SHISA6: variants seen among roughly 807,000 people sequenced by gnomAD.
SHISA6 encodes shisa family member 6, also known as protein shisa-6.
A neutral mutation model predicts 47.9 loss-of-function variants in SHISA6; 22 were observed. That is an observed-to-expected ratio of 0.46 (90% CI 0.33 to 0.66). The LOEUF (loss-of-function observed/expected upper bound fraction) is 0.66. SHISA6 is among the 30% of genes least tolerant of loss of function. The probability of loss-of-function intolerance (pLI) is 0.02; values close to 1 mark genes in which losing one functional copy is unlikely to be tolerated. For synonymous variants in SHISA6, 388 were observed against 337.8 expected, an observed-to-expected ratio of 1.15 and a Z score of -1.63; for missense variants, 680 against 764.6, an observed-to-expected ratio of 0.89 and a Z score of 1.30.
intron 3 of SHISA6, among the ~76,000 whole-genome samples, chr17:11,449,862 A>C (rs1483610398): frequency 6.6e-6 from 1 of 152,136 alleles, no homozygotes; most frequent in Non-Finnish European, 1.5e-5. Context: ...CTGTCTTCAC[A>C]TGGTGTTTTC....
intron 3 of SHISA6, among the ~76,000 whole-genome samples, chr17:11,530,267 CCA>C (rs530530442): frequency 4.0e-5 from 6 of 151,368 alleles, no homozygotes; most frequent in Non-Finnish European, 7.4e-5. Flanking sequence ...GGTTAAAAAA[CCA>C]CACACACACA....
intron 3 of SHISA6, among the ~76,000 whole-genome samples, chr17:11,467,723 G>C (rs1233511924): frequency 6.6e-6 from 1 of 152,170 alleles, no homozygotes; most frequent in Non-Finnish European, 1.5e-5. Flanking sequence ...TGTAGCTCCT[G>C]TTGATGTAAA....
intron 3 of SHISA6, among the ~76,000 whole-genome samples, chr17:11,445,221 G>A (rs997905727): frequency 1.3e-5 from 2 of 151,956 alleles, no homozygotes; most frequent in African/African-American, 2.4e-5. Context: ...TTTTATGAGG[G>A]CCGTAATTCA....
At chr17:11,351,088 C>A (rs189864297) in intron 2 of SHISA6, among the ~76,000 whole-genome samples, 75 of 151,740 alleles carry the variant, frequency 4.9e-4, no homozygotes, top group African/African-American at 1.6e-3. Flanking sequence ...GGGAGTTGAA[C>A]AATGAGAATG....
In SHISA6 at chr17:11,409,297, T is replaced by C. The variant is rs572698549; in HGVS notation, c.895+29788T>C. On this transcript the variant is annotated intron_variant, in intron 3 of 5. Coordinates refer to ENST00000441885, the MANE Select transcript of SHISA6 (RefSeq NM_207386.4). Reference sequence around the variant, plus strand: ...TAGTTATAATTATCTTTTCCCCACTTTCCCCCCCAAAATTGGGGTATGGAC... The same window carrying C: ...TAGTTATAATTATCTTTTCCCCACTCTCCCCCCCAAAATTGGGGTATGGAC... Among the ~76,000 whole-genome samples the C allele has an allele frequency of 9.2e-5, 14 of 152,320 alleles. No individual in the cohort carries two copies. In the South Asian group the frequency reaches 2.5e-3, roughly 27 times the overall value.
chr17:11,525,510 G>A (rs1043954353), intron 3 of SHISA6, among the ~76,000 whole-genome samples: 2 of 151,682 alleles, frequency 1.3e-5, no homozygotes, highest in African/African-American at 4.8e-5. Context: ...GCACATGCCT[G>A]TAGTCCCAGC....
Position 11,242,059 on chromosome 17 carries a change from A to G in SHISA6, c.637A>G (p.Arg213Gly). ...HRPPREMNIH[R>G]ALADILRQQG... ...CCCTCCACGGGAGATGAACATCCAC[A>G]GGTGAGAGCGCCGCGTGCCGCGCGC... The change falls in exon 1 of 6, where the codon AGG becomes GGG. Residue 213 changes from arginine (R) to glycine (G), a missense_variant and splice_region_variant. By Grantham distance (125) the Arg-to-Gly change is moderately radical. This residue lies in a region of SHISA6 where 559 missense variants were observed against 674.1 expected (regional missense o/e 0.83). Coordinates refer to ENST00000441885, the MANE Select transcript of SHISA6 (RefSeq NM_207386.4). 6.5e-7 allele frequency: 1 copy of G among 1,550,268 alleles called. No homozygotes were observed. The highest frequency in any genetic ancestry group is 2.4e-5 in the East Asian group (1 of 40,892).
rs573321303 is a variant in SHISA6, at chr17:11,301,848, C to T, written c.799+38322C>T. Among the ~76,000 whole-genome samples, 15 of 152,206 alleles carry T rather than the reference C, an allele frequency of 9.9e-5. No homozygotes were observed. The South Asian group carries it at 2.1e-3, about 21-fold the overall frequency. On this transcript the variant is annotated intron_variant, in intron 2 of 5. Transcript: ENST00000441885. ...GTTTTGGCTTTAGGAGCCTTGTATT[C>T]GTCCGTTTTCATACTGCTGATAAAG...
rs192270216 is a variant in SHISA6, at chr17:11,280,925, G to A, written c.799+17399G>A. On this transcript the variant is annotated intron_variant, in intron 2 of 5. Transcript: ENST00000441885. Reference sequence around the variant, plus strand: ...CATCATGATAGTGGTGTTTACATTCGCATTCATAATCACCTTCTTAAAGAA... The same window carrying A: ...CATCATGATAGTGGTGTTTACATTCACATTCATAATCACCTTCTTAAAGAA... Among the ~76,000 whole-genome samples, 137 of 152,278 alleles carry A rather than the reference G, an allele frequency of 9.0e-4. No homozygotes were observed. In the Middle Eastern group the frequency reaches 0.01, roughly 11 times the overall value.
In SHISA6 at chr17:11,493,777, G is replaced by A. The variant is rs570671389; in HGVS notation, c.896-58119G>A. Among the ~76,000 whole-genome samples the A allele has an allele frequency of 4.6e-5, 7 of 152,320 alleles. No homozygotes were observed. The South Asian group carries it at 1.4e-3, about 32-fold the overall frequency. On this transcript the variant is annotated intron_variant, in intron 3 of 5. Transcript: ENST00000441885. ...CAACTCTACAGAGCTGACAAGGGTA[G>A]GGGTCTCCTTGGAAACCCTGGCATT...
Position 11,277,764 on chromosome 17 carries a change from T to G in SHISA6, c.799+14238T>G, listed in dbSNP as rs570893310. On this transcript the variant is annotated intron_variant, in intron 2 of 5. Coordinates refer to ENST00000441885, the MANE Select transcript of SHISA6 (RefSeq NM_207386.4). Reference sequence around the variant, plus strand: ...CTTCTATCTGGTTGCTCTGGCTTCCTAAGCACGTGCCTTCCATGTCATAGC... The same window carrying G: ...CTTCTATCTGGTTGCTCTGGCTTCCGAAGCACGTGCCTTCCATGTCATAGC... Among the ~76,000 whole-genome samples, 9 of 152,254 alleles carry G rather than the reference T, an allele frequency of 5.9e-5. No homozygotes were observed. In the East Asian group the frequency reaches 1.7e-3, roughly 29 times the overall value.
rs888375497 is a variant in SHISA6, at chr17:11,431,528, G to T, written c.895+52019G>T. Among the ~76,000 whole-genome samples, 4 of 152,242 alleles carry T rather than the reference G, an allele frequency of 2.6e-5. No individual in the cohort carries two copies. The South Asian group carries it at 8.3e-4, about 31-fold the overall frequency. ...GCATCCTTCTAGAGGAAATGATATT[G>T]TGGACACTGCCAGCTGCTAATTTTG... On this transcript the variant is annotated intron_variant, in intron 3 of 5. Coordinates refer to ENST00000441885, the MANE Select transcript of SHISA6 (RefSeq NM_207386.4).
rs1339116160 is a variant in SHISA6 at position 11,558,922 on chromosome 17, C to T, written c.*618C>T. 6.5e-6 allele frequency: 1 copy of T among 154,040 alleles called. No individual in the cohort carries two copies. The highest frequency in any genetic ancestry group is 2.4e-5 in the African/African-American group (1 of 41,458). 9.5% of individuals were successfully genotyped at this position (154,040 alleles called of 1,614,324 possible). ...TGAGTGACCCTTCCTTTGCTGACCC[C>T]TGAGGGCCCAACCCTGGCCCTGTGC... On this transcript the variant is annotated 3_prime_UTR_variant, in exon 6 of 6. Transcript: ENST00000441885.
intron 2 of SHISA6, among the ~76,000 whole-genome samples, chr17:11,324,629 C>T (rs1910814752): frequency 6.6e-6 from 1 of 152,098 alleles, no homozygotes; most frequent in Non-Finnish European, 1.5e-5. Context: ...GAGGCCACAC[C>T]AGCCATAATC....
At chr17:11,398,480 T>C (rs966827286) in intron 3 of SHISA6, among the ~76,000 whole-genome samples, 1 of 152,178 alleles carries the variant, frequency 6.6e-6, no homozygotes, top group African/African-American at 2.4e-5. Context: ...TTCAGAAGAC[T>C]GTTACTTTGA....
At chr17:11,425,645 C>T (rs1597507087) in intron 3 of SHISA6, among the ~76,000 whole-genome samples, 2 of 152,164 alleles carry the variant, frequency 1.3e-5, no homozygotes, top group African/African-American at 4.8e-5. Flanking sequence ...CTCAGGGCTA[C>T]ATCCAGTTTT....
At chr17:11,389,956 A>C (rs1271291394) in intron 3 of SHISA6, among the ~76,000 whole-genome samples, 1 of 152,248 alleles carries the variant, frequency 6.6e-6, no homozygotes, top group Non-Finnish European at 1.5e-5. Context: ...GTTTGTGGCC[A>C]GGAGAAAACA....
intron 2 of SHISA6, among the ~76,000 whole-genome samples, chr17:11,277,278 TCTCACACACACACACACACACA>T (rs1157795208): frequency 8.0e-4 from 42 of 52,668 alleles, no homozygotes; most frequent in African/African-American, 2.3e-3. Context: ...TCTCTCTCTC[TCTCACACACACACACACACACA>T]CACACACACA....
chr17:11,496,515 G>A (rs2071410175), intron 3 of SHISA6, among the ~76,000 whole-genome samples: 1 of 152,146 alleles, frequency 6.6e-6, no homozygotes, highest in Non-Finnish European at 1.5e-5. Context: ...TGAGGCGGGT[G>A]AATCACGAGG....
Sources: gnomAD v4.1 joint callset for allele counts (sites outside exome capture counted in the v4.1 genomes callset) on GRCh38, gnomAD v4.1.1 for gene constraint, gnomAD v4.1.1 regional missense constraint, MANE v1.5 for transcripts, NCBI Gene and HGNC (gene_info 2026-07-23, HGNC 2026-07-21) for gene names.